MAF: variants seen among roughly 807,000 people sequenced by gnomAD.
MAF encodes MAF bZIP transcription factor.
MAF carries 10 observed loss-of-function variants against 22.0 expected under a neutral mutation model. The observed-to-expected ratio is 0.45, with a 90% CI of 0.28 to 0.77. The LOEUF is 0.77. Ranked by LOEUF, MAF falls within the 30% of genes least tolerant of loss-of-function variation. The probability of loss-of-function intolerance (pLI) is 0.12; values close to 1 mark genes in which losing one functional copy is unlikely to be tolerated. For synonymous variants in MAF, 337 were observed against 255.8 expected, an observed-to-expected ratio of 1.32 and a Z score of -3.03; for missense variants, 544 against 548.4, an observed-to-expected ratio of 0.99 and a Z score of 0.08.
the MAF span, among the ~76,000 whole-genome samples, chr16:79,541,907 C>T: frequency 6.6e-6 from 1 of 152,118 alleles, no homozygotes; most frequent in African/African-American, 2.4e-5. Context: ...CCACCATCCT[C>T]AGCCTCCCAA....
chr16:79,354,520 T>A, the MAF span, among the ~76,000 whole-genome samples: 2 of 151,960 alleles, frequency 1.3e-5, no homozygotes, highest in South Asian at 4.2e-4. Flanking sequence ...ATGGGTGAGA[T>A]TTGAAGGATG....
the MAF span, chr16:79,212,135 G>C: frequency 5.2e-6 from 8 of 1,527,744 alleles, no homozygotes; most frequent in Non-Finnish European, 7.0e-6. Flanking sequence ...AATAGCCTGA[G>C]GTCCCCTCGT....
intron 1 of MAF, chr16:79,596,937 CCAA>C: frequency 9.5e-7 from 1 of 1,049,402 alleles, no homozygotes. Flanking sequence ...CAATTCAGTC[CCAA>C]ATACTTTAAT....
the MAF span, chr16:79,203,017 C>T: frequency 6.6e-6 from 1 of 152,176 alleles, no homozygotes; most frequent in Admixed American, 6.5e-5. Context: ...CTATTGGCAT[C>T]AAGTGCTTTA....
At chr16:79,596,449 A>C (rs1327938125) in intron 1 of MAF, 1 of 1,054,586 alleles carries the variant, frequency 9.5e-7, no homozygotes, top group Admixed American at 5.4e-5. Context: ...GGGCCCAGTT[A>C]AACTGTACAC....
At chr16:79,376,201 A>C in the MAF span, among the ~76,000 whole-genome samples, 1 of 151,788 alleles carries the variant, frequency 6.6e-6, no homozygotes, top group Non-Finnish European at 1.5e-5. Flanking sequence ...TGATTAGTTT[A>C]GTTGGTTTTA....
the MAF span, among the ~76,000 whole-genome samples, chr16:79,490,458 T>C: frequency 2.6e-5 from 4 of 152,322 alleles, no homozygotes; most frequent in Admixed American, 2.0e-4. Context: ...TAAGAGTCTC[T>C]GGTTTTAATT....
At chr16:79,517,203 C>T in the MAF span, among the ~76,000 whole-genome samples, 1 of 152,100 alleles carries the variant, frequency 6.6e-6, no homozygotes. Flanking sequence ...CCTACCTGGG[C>T]CTGATTTCCT....
chr16:79,586,820 T>A (rs1369310900), intron 1 of MAF, among the ~76,000 whole-genome samples: 1 of 152,240 alleles, frequency 6.6e-6, no homozygotes, highest in Admixed American at 6.5e-5. Flanking sequence ...CAAAATATAT[T>A]TAAAATCTAA....
chr16:79,468,652 G>A, the MAF span, among the ~76,000 whole-genome samples: 12 of 152,316 alleles, frequency 7.9e-5, no homozygotes, highest in East Asian at 2.3e-3. Flanking sequence ...GCATTGAGGG[G>A]CAGTCAGAGT....
the MAF span, among the ~76,000 whole-genome samples, chr16:79,255,139 T>A: frequency 6.6e-6 from 1 of 152,180 alleles, no homozygotes; most frequent in Non-Finnish European, 1.5e-5. Flanking sequence ...TTGTATCCAA[T>A]CCAATAACTG....
At chr16:79,246,501 C>A in the MAF span, among the ~76,000 whole-genome samples, 1 of 129,414 alleles carries the variant, frequency 7.7e-6, no homozygotes, top group African/African-American at 3.0e-5. Context: ...AATTTGAGTT[C>A]CCTTTGATAT....
chr16:79,242,254 A>T, the MAF span, among the ~76,000 whole-genome samples: 2 of 151,930 alleles, frequency 1.3e-5, no homozygotes, highest in Admixed American at 6.6e-5. Context: ...CAAATTGGAT[A>T]AAGAGTCAAG....
downstream of MAF, among the ~76,000 whole-genome samples, chr16:79,590,121 G>T (rs1913103762): frequency 6.6e-6 from 1 of 152,166 alleles, no homozygotes; most frequent in Non-Finnish European, 1.5e-5. Flanking sequence ...CCAGGCTCGG[G>T]CAGTGATGTC....
the MAF span, among the ~76,000 whole-genome samples, chr16:79,422,261 G>T: frequency 6.6e-6 from 1 of 152,222 alleles, no homozygotes; most frequent in Non-Finnish European, 1.5e-5. Flanking sequence ...TGGTTGCGAA[G>T]AATTAGGTTG....
intron 1 of MAF, among the ~76,000 whole-genome samples, chr16:79,587,089 T>C (rs906425224): frequency 1.3e-5 from 2 of 152,196 alleles, no homozygotes; most frequent in African/African-American, 4.8e-5. Flanking sequence ...TCTAATTCCT[T>C]CAAATGCCCT....
chr16:79,463,035 C>A, the MAF span, among the ~76,000 whole-genome samples: 1 of 152,118 alleles, frequency 6.6e-6, no homozygotes, highest in Non-Finnish European at 1.5e-5. Flanking sequence ...ATATTTCAGT[C>A]AATGGGAATC....
At chr16:79,598,089 A>G (rs1023214993) in intron 1 of MAF, 5 of 1,043,030 alleles carry the variant, frequency 4.8e-6, no homozygotes, top group African/African-American at 1.7e-5. Flanking sequence ...CTGCAAGTCT[A>G]TAACATTTCA....
the MAF span, among the ~76,000 whole-genome samples, chr16:79,303,548 G>T: frequency 1.3e-5 from 2 of 152,140 alleles, no homozygotes; most frequent in African/African-American, 4.8e-5. Flanking sequence ...AGGGCTTCTG[G>T]TACCTGGAGA....
Sources: allele counts gnomAD v4.1 joint callset (sites outside exome capture counted in the v4.1 genomes callset), GRCh38; gene constraint gnomAD v4.1.1; transcripts MANE v1.5; gene names NCBI Gene and HGNC (gene_info 2026-07-23, HGNC 2026-07-21).